Variants in PUDP observed in about 807,000 individuals in gnomAD.
The protein encoded by PUDP is pseudouridine-5'-phosphatase.
Under a neutral mutation model 9.4 loss-of-function variants are expected in PUDP, and 8 were observed. The observed-to-expected ratio is 0.85, with a 90% CI of 0.50 to 1.53. The LOEUF is 1.53. PUDP is among the 40% of genes most tolerant of loss of function. The pLI, the probability that PUDP is intolerant of heterozygous loss-of-function variation, is 0.00. For missense variants in PUDP, 188 were observed against 189.7 expected (o/e 0.99, Z 0.05); for synonymous variants, 99 against 80.7 (o/e 1.23, Z -1.22).
At chrX:7,117,960 C>T (rs1019001309) in intron 1 of PUDP, among the ~76,000 whole-genome samples, 17 of 113,219 alleles carry the variant, frequency 1.5e-4, no homozygotes, top group African/African-American at 5.1e-4. Flanking sequence ...ACAAGCCACA[C>T]GCCTTAGTGG....
intron 1 of PUDP, among the ~76,000 whole-genome samples, chrX:6,710,148 A>G (rs1924515447): frequency 9.0e-6 from 1 of 111,596 alleles, no homozygotes; most frequent in African/African-American, 3.3e-5. Flanking sequence ...AAACAAACAA[A>G]CAAAAACAAA....
intron 3 of PUDP, among the ~76,000 whole-genome samples, chrX:6,809,012 G>A (rs1926097504): frequency 8.9e-6 from 1 of 111,986 alleles, no homozygotes; most frequent in South Asian, 3.8e-4. Context: ...CTGGACACGT[G>A]TGTTTGGGGA....
chrX:6,927,928 A>G lies in PUDP; in HGVS notation c.*247+49205T>C, dbSNP rs1370268749. Among the ~76,000 whole-genome samples the G allele has an allele frequency of 2.8e-5, 3 of 106,340 alleles. No homozygotes were observed. In the Admixed American group the frequency reaches 3.1e-4, roughly 11 times the overall value. The allele number at this position is 106,340 out of a possible 115,157, so 92.3% of individuals were successfully genotyped here. A position where few individuals can be genotyped will look rare whatever the true frequency, so the allele number is the denominator to read the frequency against. On this transcript the variant is annotated intron_variant and NMD_transcript_variant, in intron 3 of 3. Coordinates refer to the PUDP transcript ENST00000655425. Reference sequence around the variant, plus strand: ...TGGAAGTTAAATGATCCTTAGAGACACTCATCATTCTTGGAAAAGGCAGGT... The same window carrying G: ...TGGAAGTTAAATGATCCTTAGAGACGCTCATCATTCTTGGAAAAGGCAGGT...
chrX:7,006,585 C>A (rs1047226360), intron 1 of PUDP, among the ~76,000 whole-genome samples: 1 of 110,667 alleles, frequency 9.0e-6, no homozygotes, highest in Non-Finnish European at 1.9e-5. Context: ...TCTTTGAATA[C>A]CAGTGATGTT....
At chrX:6,900,972 T>A (rs1215961256) in intron 3 of PUDP, among the ~76,000 whole-genome samples, 1 of 110,315 alleles carries the variant, frequency 9.1e-6, no homozygotes, top group Non-Finnish European at 1.9e-5. Flanking sequence ...GAGACAAGGT[T>A]TCACCATGTT....
chrX:6,977,373 G>T (rs1161486896), intron 2 of PUDP, among the ~76,000 whole-genome samples: 1 of 111,951 alleles, frequency 8.9e-6, no homozygotes, highest in East Asian at 2.8e-4. Flanking sequence ...AAATGACATT[G>T]TTGACCTAGA....
intron 3 of PUDP, among the ~76,000 whole-genome samples, chrX:6,903,303 T>C (rs1030750920): frequency 9.0e-6 from 1 of 111,725 alleles, no homozygotes; most frequent in African/African-American, 3.3e-5. Context: ...ATGATCTCCT[T>C]TGCTTTACTC....
intron 3 of PUDP, among the ~76,000 whole-genome samples, chrX:6,751,974 C>G (rs1336433324): frequency 1.8e-5 from 2 of 110,734 alleles, no homozygotes; most frequent in East Asian, 5.7e-4. Flanking sequence ...TCAGGAGTCC[C>G]GGTGGGATAA....
chrX:6,955,860 C>A (rs1014625118), intron 3 of PUDP, among the ~76,000 whole-genome samples: 11 of 100,055 alleles, frequency 1.1e-4, no homozygotes, highest in African/African-American at 3.8e-4. Context: ...GTATATTACC[C>A]CTGAACAATA....
intron 3 of PUDP, among the ~76,000 whole-genome samples, chrX:6,762,643 T>C (rs193273470): frequency 1.8e-5 from 2 of 111,887 alleles, no homozygotes; most frequent in African/African-American, 6.5e-5. Flanking sequence ...ATAAGGAAAA[T>C]GAATACTTAA....
Position 6,789,778 on chromosome X carries a change from TAGAG to T in PUDP, c.*248-83316_*248-83313del, listed in dbSNP as rs1196798145. On this transcript the variant is annotated intron_variant and NMD_transcript_variant, in intron 3 of 3. Coordinates refer to the PUDP transcript ENST00000655425. The stretch of plus-strand genomic sequence containing the variant: ...GTAGGCAGATAGATAGGTAGGTAGA[TAGAG>T]AGATAGATAGATAGATAAGTAGATA... 4.1e-4 allele frequency among the ~76,000 whole-genome samples: 22 copies of T among 54,056 alleles called. 1 individual carries two copies. In the South Asian group the frequency reaches 0.019, roughly 48 times the overall value. 46.9% of individuals were successfully genotyped at this position (54,056 alleles called of 115,157 possible). A position where few individuals can be genotyped will look rare whatever the true frequency, so the allele number is the denominator to read the frequency against.
intron 2 of PUDP, among the ~76,000 whole-genome samples, chrX:7,097,713 G>A (rs1412354243): frequency 9.0e-6 from 1 of 111,658 alleles, no homozygotes; most frequent in Non-Finnish European, 1.9e-5. Context: ...AGGAAAGAGA[G>A]GCAAGTTGTT....
At chrX:6,939,385 ATAT>A (rs1928365120) in intron 3 of PUDP, among the ~76,000 whole-genome samples, 1 of 106,571 alleles carries the variant, frequency 9.4e-6, no homozygotes, top group Non-Finnish European at 1.9e-5. Flanking sequence ...TTATTAATAT[ATAT>A]TATTAATATT....
intron 3 of PUDP, among the ~76,000 whole-genome samples, chrX:6,752,306 T>C (rs917405078): frequency 9.0e-6 from 1 of 111,579 alleles, no homozygotes; most frequent in Non-Finnish European, 1.9e-5. Context: ...GGTTCTGAGT[T>C]AGACTCTTTG....
At chrX:6,841,097 T>C (rs1259472798) in intron 3 of PUDP, among the ~76,000 whole-genome samples, 4 of 109,504 alleles carry the variant, frequency 3.7e-5, no homozygotes, top group African/African-American at 6.7e-5. Flanking sequence ...GCCAATATTG[T>C]GAAACCCTGT....
intron 3 of PUDP, among the ~76,000 whole-genome samples, chrX:6,775,172 C>T (rs1462607427): frequency 8.9e-6 from 1 of 111,800 alleles, no homozygotes; most frequent in Non-Finnish European, 1.9e-5. Flanking sequence ...TTTTCTTATT[C>T]TGAATATTTC....
At chrX:6,710,777 T>C (rs1333547874) in intron 1 of PUDP, among the ~76,000 whole-genome samples, 1 of 112,020 alleles carries the variant, frequency 8.9e-6, no homozygotes, top group Non-Finnish European at 1.9e-5. Flanking sequence ...CTGGGGTTTT[T>C]CTGTGTGTTT....
intron 1 of PUDP, among the ~76,000 whole-genome samples, chrX:6,719,238 T>A (rs1179974985): frequency 8.9e-6 from 1 of 111,787 alleles, no homozygotes; most frequent in Non-Finnish European, 1.9e-5. Flanking sequence ...GACGCTGTCT[T>A]CTCCCTGTGT....
chrX:6,927,804 A>G (rs930461093), intron 3 of PUDP, among the ~76,000 whole-genome samples: 1 of 111,374 alleles, frequency 9.0e-6, no homozygotes, highest in Non-Finnish European at 1.9e-5. Flanking sequence ...ATCCTGGTGA[A>G]ACAGGTGGTG....
Sources: gnomAD v4.1 joint callset for allele counts (sites outside exome capture counted in the v4.1 genomes callset) on GRCh38, gnomAD v4.1.1 for gene constraint, MANE v1.5 for transcripts, NCBI Gene and HGNC (gene_info 2026-07-23, HGNC 2026-07-21) for gene names.